PCMTD1: variants seen among roughly 807,000 people sequenced by gnomAD.
PCMTD1 encodes protein-L-isoaspartate O-methyltransferase domain-containing protein 1.
In PCMTD1, 12 loss-of-function variants were observed where a neutral mutation model predicts 37.6. That is an observed-to-expected ratio of 0.32 (90% confidence interval 0.20 to 0.52). PCMTD1 has a LOEUF of 0.52. Ranked by LOEUF, PCMTD1 falls within the 20% of genes least tolerant of loss-of-function variation. The pLI is 0.97. For synonymous variants in PCMTD1, 117 were observed against 135.8 expected (o/e 0.86, Z 0.96); for missense variants, 235 against 421.3 (o/e 0.56, Z 3.87).
At chr8:51,836,445 ACTTT>A (rs1329169418) in intron 3 of PCMTD1, among the ~76,000 whole-genome samples, 1 of 151,778 alleles carries the variant, frequency 6.6e-6, no homozygotes, top group Non-Finnish European at 1.5e-5. Flanking sequence ...TGCTTCTAAT[ACTTT>A]CTTATCACAA....
intron 5 of PCMTD1, among the ~76,000 whole-genome samples, chr8:51,822,315 A>G (rs953354240): frequency 3.9e-5 from 6 of 152,044 alleles, no homozygotes; most frequent in Non-Finnish European, 8.8e-5. Flanking sequence ...CAGGTATAAT[A>G]TATTTTGAAG....
intron 1 of PCMTD1, among the ~76,000 whole-genome samples, chr8:51,892,651 T>G (rs1024609206): frequency 6.6e-6 from 1 of 152,236 alleles, no homozygotes; most frequent in Non-Finnish European, 1.5e-5. Context: ...AAATCAATTA[T>G]AATTGAAATA....
intron 1 of PCMTD1, among the ~76,000 whole-genome samples, chr8:51,881,151 T>C (rs142567666): frequency 2.6e-5 from 4 of 152,334 alleles, no homozygotes; most frequent in African/African-American, 9.6e-5. Context: ...GCTTCACTCA[T>C]CTTGCAAACT....
At chr8:51,852,722 T>A (rs1194323850) in intron 2 of PCMTD1, among the ~76,000 whole-genome samples, 5 of 152,178 alleles carry the variant, frequency 3.3e-5, no homozygotes, top group Non-Finnish European at 4.4e-5. Context: ...TTTTCAGCCC[T>A]GTGATTATGT....
chr8:51,886,957 T>C (rs2038872963), intron 1 of PCMTD1, among the ~76,000 whole-genome samples: 1 of 74,964 alleles, frequency 1.3e-5, no homozygotes, highest in Non-Finnish European at 5.2e-5. Context: ...CTAGTGTCCA[T>C]CTGCTTTTTT....
At chr8:51,887,586 G>A (rs1249829675) in intron 1 of PCMTD1, among the ~76,000 whole-genome samples, 1 of 151,126 alleles carries the variant, frequency 6.6e-6, no homozygotes, top group Admixed American at 6.6e-5. Flanking sequence ...ATTTTAAGTA[G>A]CAACTAGAAA....
chr8:51,849,498 C>A (rs898140306), intron 2 of PCMTD1: 3 of 151,468 alleles, frequency 2.0e-5, no homozygotes, highest in Non-Finnish European at 4.4e-5. Flanking sequence ...CCTTTAATAG[C>A]TAAATATTAA....
intron 1 of PCMTD1, among the ~76,000 whole-genome samples, chr8:51,866,721 A>C (rs1342237963): frequency 1.3e-5 from 2 of 152,130 alleles, no homozygotes; most frequent in Non-Finnish European, 1.5e-5. Flanking sequence ...TAGTCTGGGC[A>C]AAGATTTCTT....
At chr8:51,846,544 T>C (rs188991534) in intron 2 of PCMTD1, among the ~76,000 whole-genome samples, 56 of 152,296 alleles carry the variant, frequency 3.7e-4, no homozygotes, top group Admixed American at 3.7e-3. Context: ...TTACAGTTAG[T>C]CCCTTTTCAA....
Position 51,865,450 on chromosome 8 carries a change from C to T in PCMTD1, c.-95-4204G>A, listed in dbSNP as rs540360714. ...TAACAAAATACTAGCAAACCAAATT[C>T]AACAGAACATTGAAAGGATCACTCA... On this transcript the variant is annotated intron_variant, in intron 1 of 5. Transcript: ENST00000522514. 2.6e-5 allele frequency among the ~76,000 whole-genome samples: 4 copies of T among 152,138 alleles called. No homozygotes were observed. In the South Asian group the frequency reaches 8.3e-4, roughly 32 times the overall value.
At chr8:51,841,179 C>T (rs2038142541) in intron 3 of PCMTD1, among the ~76,000 whole-genome samples, 2 of 152,136 alleles carry the variant, frequency 1.3e-5, no homozygotes, top group African/African-American at 2.4e-5. Flanking sequence ...GAAATGTGAA[C>T]ACCAATTAAT....
chr8:51,828,652 C>T lies in PCMTD1; in HGVS notation c.706+2792G>A, dbSNP rs549464837. Among the ~76,000 whole-genome samples, 339 of 152,274 alleles carry T rather than the reference C, an allele frequency of 2.2e-3. 1 individual carries two copies. Among genetic ancestry groups the T allele is most frequent in the Admixed American group, 1.6e-3 (24 of 15,288 alleles). Reference sequence around the variant, plus strand: ...GTGTTGCCAGCATTAAATCCATTTTCCACTCACAATATTTATGATTTACAA... The same window carrying T: ...GTGTTGCCAGCATTAAATCCATTTTTCACTCACAATATTTATGATTTACAA... On this transcript the variant is annotated intron_variant, in intron 5 of 5. Transcript: ENST00000522514.
At chr8:51,838,342 A>T (rs1331692663) in intron 3 of PCMTD1, among the ~76,000 whole-genome samples, 1 of 151,728 alleles carries the variant, frequency 6.6e-6, no homozygotes, top group Non-Finnish European at 1.5e-5. Context: ...TTTTTAAATC[A>T]GTTAGGCACG....
intron 1 of PCMTD1, among the ~76,000 whole-genome samples, chr8:51,885,787 C>A (rs145566683): frequency 0.025 from 3,783 of 148,388 alleles, 163 homozygotes; most frequent in African/African-American, 0.086. Flanking sequence ...AGAGTGGTAA[C>A]TGTCGGATAG....
At chr8:51,824,045 C>T (rs1450911107) in intron 5 of PCMTD1, among the ~76,000 whole-genome samples, 2 of 152,140 alleles carry the variant, frequency 1.3e-5, no homozygotes, top group African/African-American at 4.8e-5. Flanking sequence ...TGGAACGTAT[C>T]TCAAAATAAT....
In PCMTD1 at chr8:51,832,652, C is replaced by T. The variant is rs78346921; in HGVS notation, c.582+866G>A. ...AAGTAATTTGCTTTTGAAAGGTATACCCATTTTCTGAGTAAATTAGTATTT... is the reference window on the plus strand; with the variant it reads ...AAGTAATTTGCTTTTGAAAGGTATATCCATTTTCTGAGTAAATTAGTATTT... On this transcript the variant is annotated intron_variant, in intron 4 of 5. Coordinates refer to ENST00000522514, the MANE Select transcript of PCMTD1 (RefSeq NM_052937.4). Among the ~76,000 whole-genome samples the T allele has an allele frequency of 4.9e-3, 741 of 152,152 alleles. 6 individuals are homozygous for T. The highest frequency in any genetic ancestry group is 0.017 in the African/African-American group (711 of 41,510).
chr8:51,885,607 T>C (rs1439629636), intron 1 of PCMTD1, among the ~76,000 whole-genome samples: 1 of 152,182 alleles, frequency 6.6e-6, no homozygotes, highest in East Asian at 1.9e-4. Context: ...ATAAAACCAC[T>C]GAAAAACTCC....
chr8:51,899,104 C>A, upstream of PCMTD1: 14 of 1,460,272 alleles, frequency 9.6e-6, no homozygotes, highest in East Asian at 2.9e-5. Flanking sequence ...CCGCCGGGGT[C>A]CGGGCATGCG....
At chr8:51,855,227 GA>G (rs61373320) in intron 2 of PCMTD1, among the ~76,000 whole-genome samples, 41,216 of 128,780 alleles carry the variant, frequency 0.32, 7,116 homozygotes, top group East Asian at 0.51. Flanking sequence ...TTCCTAAAAA[GA>G]AAAAAAAAAA....
Sources: gnomAD v4.1 joint callset for allele counts (sites outside exome capture counted in the v4.1 genomes callset) on GRCh38, gnomAD v4.1.1 for gene constraint, MANE v1.5 for transcripts, NCBI Gene and HGNC (gene_info 2026-07-23, HGNC 2026-07-21) for gene names.